Variants in TMEM218 observed in about 807,000 individuals in gnomAD.
The protein encoded by TMEM218 is transmembrane protein 218.
A neutral mutation model predicts 10.0 loss-of-function variants in TMEM218; 8 were observed. The ratio of observed to expected loss-of-function variants is 0.80; its 90% CI spans 0.47 to 1.44. The LOEUF (loss-of-function observed/expected upper bound fraction) is 1.44, where lower values mean the gene tolerates loss of function less well. Ranked by LOEUF, TMEM218 falls within the 40% of genes most tolerant of loss-of-function variation. TMEM218 has a pLI of 0.00. For synonymous variants in TMEM218, 66 were observed against 63.5 expected (o/e 1.04, Z -0.18); for missense variants, 110 against 140.1 (o/e 0.79, Z 1.08).
chr11:125,101,407 G>C (rs918770533), intron 3 of TMEM218, 104 bp from the exon 4 acceptor site: 5 of 1,515,244 alleles, frequency 3.3e-6, no homozygotes, highest in Non-Finnish European at 4.4e-6. Context: ...CTATGTTTCA[G>C]TCCCTTAACA....
chr11:125,106,519 C>G (rs115513091), intron 1 of TMEM218, among the ~76,000 whole-genome samples: 1,602 of 152,078 alleles, frequency 0.011, 29 homozygotes, highest in African/African-American at 0.037. Flanking sequence ...ATAGATCAAG[C>G]AGATAAAAAA....
At position 125,097,709 on chromosome 11, in the gene TMEM218, A is replaced by C; in HGVS notation, c.245T>G (p.Val82Gly). The C allele has an allele frequency of 6.2e-7, 1 of 1,614,032 alleles. No individual in the cohort carries two copies. Among genetic ancestry groups the C allele is most frequent in the East Asian group, 2.2e-5 (1 of 44,880 alleles). ...GATGGCACTAAGGAAAGCCAGCAGGACATAGCGGCCAATGAAAAAGTCATC... is the reference window on the plus strand; with the variant it reads ...GATGGCACTAAGGAAAGCCAGCAGGCCATAGCGGCCAATGAAAAAGTCATC... The part of the protein sequence containing the change: ...IVDDFFIGRY[V>G]LLAFLSAIFL... The change falls in exon 5 of 5, where the codon GTC becomes GGC. Residue 82 changes from valine (V) to glycine (G), a missense_variant. Transcript: ENST00000682305.
chr11:125,094,713 TAG>T lies in TMEM218; in HGVS notation c.*2891_*2892del, dbSNP rs1949414969. Among the ~76,000 whole-genome samples the T allele has an allele frequency of 6.6e-6, 1 of 152,162 alleles. No homozygotes were observed. Among genetic ancestry groups the T allele is most frequent in the Non-Finnish European group, 1.5e-5 (1 of 68,012 alleles). On this transcript the variant is annotated 3_prime_UTR_variant, in exon 5 of 5. Coordinates refer to ENST00000682305, the MANE Select transcript of TMEM218 (RefSeq NM_001258244.2). ...CACTTCAACTGCAACAACCATGAAA[TAG>T]AGTTGATACTAAAGTTTCTGTTAAA... is the stretch of plus-strand genomic sequence containing the variant.
At position 125,097,573 on chromosome 11, in the gene TMEM218, G is replaced by A. The variant is rs185377683; in HGVS notation, c.*33C>T. On this transcript the variant is annotated 3_prime_UTR_variant, in exon 5 of 5. Transcript: ENST00000682305. ...GCTCATCAATGTCATCACAATGAAGGAGAGAACAGGTTTTCGTTTTCCTGA... is the reference window on the plus strand; with the variant it reads ...GCTCATCAATGTCATCACAATGAAGAAGAGAACAGGTTTTCGTTTTCCTGA... The A allele has an allele frequency of 1.4e-5, 23 of 1,609,594 alleles. No individual in the cohort carries two copies. In the East Asian group the frequency reaches 5.1e-4, roughly 36 times the overall value.
At chr11:125,110,472 A>T (rs1333170952) in intron 1 of TMEM218, 1 of 152,234 alleles carries the variant, frequency 6.6e-6, no homozygotes, top group East Asian at 1.9e-4. Context: ...GTGTTCATTT[A>T]ATGGTTGTTT....
At chr11:125,105,088 G>A (rs763598423) in intron 1 of TMEM218, 4 of 152,172 alleles carry the variant, frequency 2.6e-5, no homozygotes, top group Admixed American at 6.5e-5. Flanking sequence ...ACCAGTTTTT[G>A]AAATAGGGTC....
In TMEM218 at chr11:125,095,494, G is replaced by C. The variant is rs1043478349; in HGVS notation, c.*2112C>G. 6.6e-6 allele frequency among the ~76,000 whole-genome samples: 1 copy of C among 152,120 alleles called. No individual in the cohort carries two copies. The highest frequency in any genetic ancestry group is 6.5e-5 in the Admixed American group (1 of 15,270). ...TTCTACGTCTTATCCCAACCCTGCG[G>C]GGCTTTTTTTGCATAACTGCATTGA... is the stretch of plus-strand genomic sequence containing the variant. On this transcript the variant is annotated 3_prime_UTR_variant, in exon 5 of 5. Coordinates refer to ENST00000682305, the MANE Select transcript of TMEM218 (RefSeq NM_001258244.2).
intron 1 of TMEM218, among the ~76,000 whole-genome samples, chr11:125,107,114 G>A (rs1379455987): frequency 6.6e-6 from 1 of 152,206 alleles, no homozygotes; most frequent in East Asian, 1.9e-4. Flanking sequence ...CATAGTATAT[G>A]AGTCCATTTA....
In TMEM218 at chr11:125,095,120, C is replaced by A. The variant is rs1949473628; in HGVS notation, c.*2486G>T. Among the ~76,000 whole-genome samples the A allele has an allele frequency of 6.6e-6, 1 of 152,096 alleles. No homozygotes were observed. The highest frequency in any genetic ancestry group is 6.6e-5 in the Admixed American group (1 of 15,266). On this transcript the variant is annotated 3_prime_UTR_variant, in exon 5 of 5. Coordinates refer to ENST00000682305, the MANE Select transcript of TMEM218 (RefSeq NM_001258244.2). ...CTCCATTGTGGGGATAGGGTGGTAT[C>A]CTCCTAATTCAGCTTTTGTCAGGAT...
Position 125,096,577 on chromosome 11 carries a change from T to C in TMEM218, c.*1029A>G, listed in dbSNP as rs7108003. 0.76 allele frequency: 115,677 copies of C among 152,196 alleles called. 44,163 individuals carry two copies. Among genetic ancestry groups the C allele is most frequent in the African/African-American group, 0.84 (34,907 of 41,532 alleles). 9.4% of individuals were successfully genotyped at this position (152,196 alleles called of 1,614,324 possible). A position where few individuals can be genotyped will look rare whatever the true frequency, so the allele number is the denominator to read the frequency against. ...AAACCTCAAAGGAATTAGTGTGCTATTGGCATAGAGCACATACTCCATCAG... is the reference window on the plus strand; with the variant it reads ...AAACCTCAAAGGAATTAGTGTGCTACTGGCATAGAGCACATACTCCATCAG... On this transcript the variant is annotated 3_prime_UTR_variant, in exon 5 of 5. Transcript: ENST00000682305.
intron 4 of TMEM218, among the ~76,000 whole-genome samples, chr11:125,098,438 C>T (rs187409148): frequency 1.3e-5 from 2 of 152,170 alleles, no homozygotes; most frequent in African/African-American, 4.8e-5. Context: ...TGTCCACTGA[C>T]CCCTTCCAGA....
In TMEM218 at chr11:125,094,830, A is replaced by G. The variant is rs892140427; in HGVS notation, c.*2776T>C. Among the ~76,000 whole-genome samples the G allele has an allele frequency of 6.6e-6, 1 of 152,178 alleles. No homozygotes were observed. Among genetic ancestry groups the G allele is most frequent in the Non-Finnish European group, 1.5e-5 (1 of 68,036 alleles). On this transcript the variant is annotated 3_prime_UTR_variant, in exon 5 of 5. Coordinates refer to ENST00000682305, the MANE Select transcript of TMEM218 (RefSeq NM_001258244.2). Reference sequence around the variant, plus strand: ...CTCCTTCCAGGAAGCAGTGAGGAAGACAGTCTAGACACCTTACAGCCTAGT... The same window carrying G: ...CTCCTTCCAGGAAGCAGTGAGGAAGGCAGTCTAGACACCTTACAGCCTAGT...
intron 2 of TMEM218, 96 bp from the exon 3 acceptor site, chr11:125,102,413 T>C (rs1951023210): frequency 6.7e-7 from 1 of 1,499,432 alleles, no homozygotes; most frequent in Non-Finnish European, 8.8e-7. Flanking sequence ...TCAGTACAGG[T>C]CATTAATTTT....
intron 1 of TMEM218, chr11:125,104,843 A>G (rs1174659077): frequency 6.6e-6 from 1 of 152,272 alleles, no homozygotes; most frequent in Non-Finnish European, 1.5e-5. Flanking sequence ...GTTCAATAAA[A>G]TAGAACAAGA....
intron 1 of TMEM218, among the ~76,000 whole-genome samples, chr11:125,110,173 TA>T (rs1953438837): frequency 8.3e-6 from 1 of 120,664 alleles, no homozygotes; most frequent in Non-Finnish European, 2.0e-5. Flanking sequence ...TTAGAATAGC[TA>T]AATTATTGTT....
intron 1 of TMEM218, among the ~76,000 whole-genome samples, chr11:125,109,477 G>A (rs1026561388): frequency 2.1e-4 from 32 of 152,086 alleles, no homozygotes; most frequent in African/African-American, 7.7e-4. Context: ...AACTTGAGCT[G>A]GTGTGCCAAA....
At chr11:125,106,866 A>T (rs779106652) in intron 1 of TMEM218, among the ~76,000 whole-genome samples, 29 of 152,150 alleles carry the variant, frequency 1.9e-4, no homozygotes, top group African/African-American at 2.4e-5. Context: ...CCTAAATTCA[A>T]AAAAAAGACA....
chr11:125,102,620 T>C lies in TMEM218; in HGVS notation c.-77+114A>G, dbSNP rs1409605283. 4.6e-6 allele frequency: 6 copies of C among 1,308,236 alleles called. No homozygotes were observed. In the African/African-American group the frequency reaches 9.0e-5, roughly 20 times the overall value. The allele number at this position is 1,308,236 out of a possible 1,614,324, so 81.0% of individuals were successfully genotyped here. ...CCACGGGAGAAAGCTGAACCCTCTCTGAATATAAAACCCTACCTAAGAACT... is the reference window on the plus strand; with the variant it reads ...CCACGGGAGAAAGCTGAACCCTCTCCGAATATAAAACCCTACCTAAGAACT... On this transcript the variant is annotated intron_variant, in intron 2 of 4. Coordinates refer to ENST00000682305, the MANE Select transcript of TMEM218 (RefSeq NM_001258244.2).
intron 1 of TMEM218, among the ~76,000 whole-genome samples, chr11:125,110,186 T>C (rs528209272): frequency 1.5e-3 from 222 of 147,038 alleles, no homozygotes; most frequent in Non-Finnish European, 2.5e-3. Context: ...ATTATTGTTA[T>C]TGAGTACAAT....
Sources: gnomAD v4.1 joint callset for allele counts (sites outside exome capture counted in the v4.1 genomes callset) on GRCh38, gnomAD v4.1.1 for gene constraint, MANE v1.5 for transcripts, NCBI Gene and HGNC (gene_info 2026-07-23, HGNC 2026-07-21) for gene names.